Variants in FABP7 observed in about 807,000 individuals in gnomAD.
The protein encoded by FABP7 is fatty acid binding protein 7.
A neutral mutation model predicts 14.2 loss-of-function variants in FABP7; 13 were observed. That is an observed-to-expected ratio of 0.91 (90% CI 0.59 to 1.45). The LOEUF is 1.45. Among genes scored for constraint, FABP7 ranks in the 40% most tolerant of loss-of-function variants. The pLI, the probability that FABP7 is intolerant of heterozygous loss-of-function variation, is 0.00. For synonymous variants in FABP7, 49 were observed against 51.4 expected (o/e 0.95, Z 0.20); for missense variants, 149 against 157.6 (o/e 0.95, Z 0.29).
At chr6:122,761,140 C>T in the FABP7 span, among the ~76,000 whole-genome samples, 11,559 of 152,130 alleles carry the variant, frequency 0.076, 533 homozygotes, top group East Asian at 0.14. Flanking sequence ...GAACTTGAAT[C>T]GTGAGAGCAT....
At chr6:122,783,557 T>C (rs1780846761) in intron 3 of FABP7, 160 bp from the exon 4 acceptor site, 8 of 985,298 alleles carry the variant, frequency 8.1e-6, no homozygotes, top group Non-Finnish European at 9.6e-6. Context: ...TGTATATCAA[T>C]ATAGGGTCTC....
At chr6:122,782,343 G>A in intron 3 of FABP7, 1 of 494,334 alleles carries the variant, frequency 2.0e-6, no homozygotes, top group Non-Finnish European at 2.6e-6. Flanking sequence ...CCTTCTGCGG[G>A]CCCCCTCCCT....
At chr6:122,762,929 G>A in the FABP7 span, among the ~76,000 whole-genome samples, 1 of 152,144 alleles carries the variant, frequency 6.6e-6, no homozygotes, top group Non-Finnish European at 1.5e-5. Flanking sequence ...TCATGGGTAG[G>A]AAGATGCTAT....
chr6:122,753,791 CCCCG>C, the FABP7 span, among the ~76,000 whole-genome samples: 40 of 93,840 alleles, frequency 4.3e-4, 1 homozygote, highest in African/African-American at 1.6e-3. Context: ...CCCGCCCCCC[CCCCG>C]CCCACAGAAG....
chr6:122,779,824 G>A lies in FABP7; in HGVS notation c.30G>A (p.Lys10=), dbSNP rs1780737800. 22 of 1,614,026 alleles carry A rather than the reference G, an allele frequency of 1.4e-5. No homozygotes were observed. Among genetic ancestry groups the A allele is most frequent in the Non-Finnish European group, 1.7e-5 (20 of 1,180,032 alleles). MVEAFCATW[K]LTNSQNFDEY... ...TGGAGGCTTTCTGTGCTACCTGGAA[G>A]CTGACCAACAGTCAGAACTTTGATG... Residue 10 remains lysine (K), a synonymous_variant, in exon 1 of 4, where the codon AAG becomes AAA. Coordinates refer to ENST00000368444, the MANE Select transcript of FABP7 (RefSeq NM_001446.5).
chr6:122,783,221 A>G (rs1780839150), intron 3 of FABP7: 1 of 985,468 alleles, frequency 1.0e-6, no homozygotes, highest in South Asian at 4.7e-5. Context: ...AAACCATGAC[A>G]ACCAAAACAA....
the FABP7 span, among the ~76,000 whole-genome samples, chr6:122,764,279 A>T: frequency 6.6e-6 from 1 of 152,254 alleles, no homozygotes; most frequent in African/African-American, 2.4e-5. Flanking sequence ...TGAGCAAATT[A>T]TTGCAAGGAC....
chr6:122,760,647 T>C, the FABP7 span, among the ~76,000 whole-genome samples: 1 of 152,122 alleles, frequency 6.6e-6, no homozygotes, highest in Non-Finnish European at 1.5e-5. Context: ...TCACTTGATT[T>C]TGACTATGAA....
the FABP7 span, among the ~76,000 whole-genome samples, chr6:122,749,928 G>A: frequency 3.9e-5 from 6 of 152,138 alleles, no homozygotes; most frequent in Non-Finnish European, 4.4e-5. Flanking sequence ...ATTCACAACA[G>A]TTGCACCTGG....
chr6:122,763,706 C>T, the FABP7 span, among the ~76,000 whole-genome samples: 1 of 152,174 alleles, frequency 6.6e-6, no homozygotes, highest in African/African-American at 2.4e-5. Context: ...AAAAATCAAA[C>T]AACCCCATCA....
At chr6:122,757,387 G>C in the FABP7 span, among the ~76,000 whole-genome samples, 3 of 152,038 alleles carry the variant, frequency 2.0e-5, no homozygotes, top group Admixed American at 6.5e-5. Context: ...TCACCGAGAA[G>C]ATGACTGAAG....
chr6:122,766,260 A>T, the FABP7 span, among the ~76,000 whole-genome samples: 1 of 152,074 alleles, frequency 6.6e-6, no homozygotes, highest in South Asian at 2.1e-4. Flanking sequence ...GTTTTTAAGT[A>T]TTTGTTCAAG....
the FABP7 span, among the ~76,000 whole-genome samples, chr6:122,770,127 A>G: frequency 6.6e-6 from 1 of 152,090 alleles, no homozygotes. Flanking sequence ...TAATGAGAAT[A>G]AATATATTTC....
the FABP7 span, among the ~76,000 whole-genome samples, chr6:122,754,678 T>G: frequency 6.8e-6 from 1 of 146,740 alleles, no homozygotes; most frequent in African/African-American, 2.5e-5. Flanking sequence ...TTTCCTTCTG[T>G]CTCTGTGTAG....
chr6:122,753,377 T>G, the FABP7 span, among the ~76,000 whole-genome samples: 1 of 152,306 alleles, frequency 6.6e-6, no homozygotes, highest in African/African-American at 2.4e-5. Context: ...TAGACTTCTG[T>G]GCATCTACTC....
chr6:122,783,887 G>A lies in FABP7; in HGVS notation c.*120G>A. ...AGAAGGTTATCCTTGGTGTGGAGGT[G>A]GAAAATGGTGATTTAAAAACTTGTT... On this transcript the variant is annotated 3_prime_UTR_variant, in exon 4 of 4. Coordinates refer to ENST00000368444, the MANE Select transcript of FABP7 (RefSeq NM_001446.5). 2.6e-6 allele frequency: 2 copies of A among 761,322 alleles called. No homozygotes were observed. Among genetic ancestry groups the A allele is most frequent in the Non-Finnish European group, 4.2e-6 (2 of 481,534 alleles). The allele number at this position is 761,322 out of a possible 1,614,324, so 47.2% of individuals were successfully genotyped here.
At chr6:122,755,759 C>T in the FABP7 span, among the ~76,000 whole-genome samples, 2 of 152,012 alleles carry the variant, frequency 1.3e-5, no homozygotes, top group Non-Finnish European at 2.9e-5. Flanking sequence ...GCGTGGCCTC[C>T]TCCCAGTATG....
At chr6:122,753,798 C>CCA in the FABP7 span, among the ~76,000 whole-genome samples, 1 of 107,572 alleles carries the variant, frequency 9.3e-6, no homozygotes, top group Non-Finnish European at 2.0e-5. Flanking sequence ...CCCCCCCGCC[C>CCA]ACAGAAGTTT....
the FABP7 span, among the ~76,000 whole-genome samples, chr6:122,753,744 T>C: frequency 6.7e-6 from 1 of 150,254 alleles, no homozygotes; most frequent in Non-Finnish European, 1.5e-5. Flanking sequence ...GAGCAGCAGC[T>C]TAAGGGCCTG....
Sources: allele counts gnomAD v4.1 joint callset (sites outside exome capture counted in the v4.1 genomes callset), GRCh38; gene constraint gnomAD v4.1.1; transcripts MANE v1.5; gene names NCBI Gene and HGNC (gene_info 2026-07-23, HGNC 2026-07-21).